PLEKHM2: variants seen among roughly 807,000 people sequenced by gnomAD.
PLEKHM2 encodes pleckstrin homology domain-containing family M member 2.
Under a neutral mutation model 116.3 loss-of-function variants are expected in PLEKHM2, and 77 were observed. The observed-to-expected ratio is 0.66, with a 90% CI of 0.55 to 0.80. The LOEUF (loss-of-function observed/expected upper bound fraction) is 0.80, where lower values mean the gene tolerates loss of function less well. Ranked by LOEUF, PLEKHM2 falls within the 30% of genes least tolerant of loss-of-function variation. The probability of loss-of-function intolerance (pLI) is 0.00; values close to 1 mark genes in which losing one functional copy is unlikely to be tolerated. For missense variants in PLEKHM2, 1,183 were observed against 1,354.9 expected, an observed-to-expected ratio of 0.87 and a Z score of 1.99; for synonymous variants, 562 against 571.0, an observed-to-expected ratio of 0.98 and a Z score of 0.22.
chr1:15,733,264 A>G (rs977377231), intron 19 of PLEKHM2, among the ~76,000 whole-genome samples: 1 of 152,296 alleles, frequency 6.6e-6, no homozygotes, highest in African/African-American at 2.4e-5. Context: ...AGCTGAAAAC[A>G]GAACCCAAGA....
chr1:15,733,721 G>A (rs1569574341), intron 19 of PLEKHM2, 76 bp from the exon 20 acceptor site: 2 of 1,512,296 alleles, frequency 1.3e-6, no homozygotes, highest in Non-Finnish European at 1.8e-6. Flanking sequence ...GCAGAGGCAG[G>A]CCTGGTGCCC....
At chr1:15,711,206 A>AAAAAT (rs146064327) in intron 1 of PLEKHM2, among the ~76,000 whole-genome samples, 1 of 151,830 alleles carries the variant, frequency 6.6e-6, no homozygotes, top group African/African-American at 2.4e-5. Context: ...TATCAAAAAT[A>AAAAAT]AAAATAAAAT....
At chr1:15,720,921 A>G (rs1229868179) in intron 6 of PLEKHM2, 2 of 164,282 alleles carry the variant, frequency 1.2e-5, no homozygotes, top group Non-Finnish European at 2.6e-5. Context: ...GGATGGATCC[A>G]TGGATGGAGG....
intron 1 of PLEKHM2, among the ~76,000 whole-genome samples, chr1:15,708,931 T>G (rs1641276212): frequency 6.6e-6 from 1 of 152,224 alleles, no homozygotes; most frequent in African/African-American, 2.4e-5. Context: ...ATCATGTACT[T>G]GGTAAACATA....
chr1:15,708,341 C>T (rs1194734567), intron 1 of PLEKHM2, among the ~76,000 whole-genome samples: 2 of 151,974 alleles, frequency 1.3e-5, no homozygotes, highest in African/African-American at 2.4e-5. Flanking sequence ...CTCAGCCTCC[C>T]GAGTAGCTGG....
At chr1:15,722,170 G>A (rs1450093514) in intron 7 of PLEKHM2, among the ~76,000 whole-genome samples, 2 of 152,210 alleles carry the variant, frequency 1.3e-5, no homozygotes, top group Non-Finnish European at 2.9e-5. Flanking sequence ...TTGAGACGGA[G>A]TCTCGCTCTG....
chr1:15,699,656 T>C (rs1288090866), intron 1 of PLEKHM2, among the ~76,000 whole-genome samples: 3 of 152,132 alleles, frequency 2.0e-5, no homozygotes, highest in Non-Finnish European at 4.4e-5. Flanking sequence ...TAAACATATG[T>C]GTGCATGTGT....
At chr1:15,683,238 T>G (rs1312874378), upstream of PLEKHM2, 2 of 150,878 alleles carry the variant, frequency 1.3e-5, no homozygotes, top group African/African-American at 4.9e-5. Flanking sequence ...GGCTGGGGAC[T>G]GGAGTCTAGG....
At position 15,727,023 on chromosome 1, in the gene PLEKHM2, GA is replaced by G; in HGVS notation, c.953del (p.Lys318ArgfsTer77). ...GTCGTTACTGTCCCAGGGTCACCAA[GA>G]AGAAGAAAATTGGCAAGAAGAAAAA... is the stretch of plus-strand genomic sequence containing the variant. ...TELEVIRVTK[K>X]KKIGKKKKSR... On this transcript the variant is annotated frameshift_variant, in exon 9 of 20. Coordinates refer to ENST00000375799, the MANE Select transcript of PLEKHM2 (RefSeq NM_015164.4). LOFTEE classifies it high-confidence loss of function. The surrounding 1 kb of genome is among the most constrained non-coding windows in gnomAD (Gnocchi z 7.5). The G allele has an allele frequency of 6.8e-7, 1 of 1,473,560 alleles. No homozygotes were observed. Among genetic ancestry groups the G allele is most frequent in the Non-Finnish European group, 9.0e-7 (1 of 1,111,554 alleles). 91.3% of individuals were successfully genotyped at this position (1,473,560 alleles called of 1,614,324 possible).
rs144600090 is a variant in PLEKHM2, at chr1:15,701,479, G to T, written c.61-14758G>T. Among the ~76,000 whole-genome samples the T allele has an allele frequency of 4.0e-3, 600 of 151,336 alleles. 3 individuals are homozygous for T. The highest frequency in any genetic ancestry group is 6.8e-3 in the Middle Eastern group (2 of 292). The stretch of plus-strand genomic sequence containing the variant: ...AAAAAGGTATTATTAGTCTTAGGAA[G>T]CTTGGCTAAGACTTAAAATACCCCA... On this transcript the variant is annotated intron_variant, in intron 1 of 19. Coordinates refer to ENST00000375799, the MANE Select transcript of PLEKHM2 (RefSeq NM_015164.4).
rs1304869817 is a variant in PLEKHM2 at position 15,727,669 on chromosome 1, C to T, written c.1597C>T (p.Leu533=). Residue 533 remains leucine, a synonymous_variant, in exon 9 of 20, where the codon CTG becomes TTG. Coordinates refer to ENST00000375799, the MANE Select transcript of PLEKHM2 (RefSeq NM_015164.4). The surrounding 1 kb of genome is among the most constrained non-coding windows in gnomAD (Gnocchi z 7.5). ...TCAGGAGCTGGAGGCCCAGCTGTCC[C>T]TGGTCAGGGAGGGGCCTGTGTCTGA... ...EAQELEAQLS[L]VREGPVSEPE... 6.3e-7 allele frequency: 1 copy of T among 1,595,360 alleles called. No individual in the cohort carries two copies. Among genetic ancestry groups the T allele is most frequent in the East Asian group, 2.3e-5 (1 of 43,954 alleles).
Position 15,691,035 on chromosome 1 carries a change from A to T in PLEKHM2, c.60+6417A>T, listed in dbSNP as rs142670818. On this transcript the variant is annotated intron_variant, in intron 1 of 19. Coordinates refer to ENST00000375799, the MANE Select transcript of PLEKHM2 (RefSeq NM_015164.4). ...AATGACATTGCATCCTGCAAGGGACACTGAGTAGGATAAGAGAATGAAAAA... is the reference window on the plus strand; with the variant it reads ...AATGACATTGCATCCTGCAAGGGACTCTGAGTAGGATAAGAGAATGAAAAA... 2.3e-3 allele frequency among the ~76,000 whole-genome samples: 355 copies of T among 152,352 alleles called. 4 individuals are homozygous for T. The highest frequency in any genetic ancestry group is 4.6e-3 in the Admixed American group (70 of 15,300).
upstream of PLEKHM2, chr1:15,681,567 G>A (rs567430163): frequency 3.1e-5 from 15 of 479,120 alleles, no homozygotes; most frequent in African/African-American, 1.8e-4. Context: ...GAATCCCAAA[G>A]CTTGTTGGGT....
Position 15,729,393 on chromosome 1 carries a change from ACCTCAGCC to A in PLEKHM2, c.2075+207_2075+214del. On this transcript the variant is annotated intron_variant, in intron 13 of 19. Coordinates refer to ENST00000375799, the MANE Select transcript of PLEKHM2 (RefSeq NM_015164.4). The surrounding 1 kb of genome is among the most constrained non-coding windows in gnomAD (Gnocchi z 4.7). ...AGGACTCATGTGGTCAGCCCAGGTGACCTCAGCCCCTGGCGACTCTTGGGGGTGCTAGC... is the reference window on the plus strand; with the variant it reads ...AGGACTCATGTGGTCAGCCCAGGTGACCTGGCGACTCTTGGGGGTGCTAGC... Among the ~76,000 whole-genome samples, 1 of 152,120 alleles carries A rather than the reference ACCTCAGCC, an allele frequency of 6.6e-6. No individual in the cohort carries two copies. The highest frequency in any genetic ancestry group is 1.9e-4 in the East Asian group (1 of 5,160).
chr1:15,728,413 C>A lies in PLEKHM2; in HGVS notation c.1921+56C>A. 1 of 1,497,680 alleles carries A rather than the reference C, an allele frequency of 6.7e-7. No homozygotes were observed. The highest frequency in any genetic ancestry group is 9.2e-7 in the Non-Finnish European group (1 of 1,088,180). The allele number at this position is 1,497,680 out of a possible 1,614,324, so 92.8% of individuals were successfully genotyped here. On this transcript the variant is annotated intron_variant, in intron 11 of 19. Transcript: ENST00000375799. This position sits in a 1 kb window ranked among gnomAD's most constrained non-coding sequence, Gnocchi z 5.9. Reference sequence around the variant, plus strand: ...TGTAGACGAGGCTGACTCTCAGCCCCTTTTCCCCAGTCCCCTTGCCCTCTG... The same window carrying A: ...TGTAGACGAGGCTGACTCTCAGCCCATTTTCCCCAGTCCCCTTGCCCTCTG...
At position 15,721,414 on chromosome 1, in the gene PLEKHM2, C is replaced by G; in HGVS notation, c.712+26C>G. 6.8e-7 allele frequency: 1 copy of G among 1,479,576 alleles called. No homozygotes were observed. Among genetic ancestry groups the G allele is most frequent in the Non-Finnish European group, 9.3e-7 (1 of 1,079,126 alleles). The allele number at this position is 1,479,576 out of a possible 1,614,324, so 91.7% of individuals were successfully genotyped here. A position where few individuals can be genotyped will look rare whatever the true frequency, so the allele number is the denominator to read the frequency against. ...GTGGGCCAGAGTCCGCTGTTACCCT[C>G]TTTTCCTGTTTTGCAATGTTTCCAT... On this transcript the variant is annotated intron_variant, in intron 7 of 19. Coordinates refer to ENST00000375799, the MANE Select transcript of PLEKHM2 (RefSeq NM_015164.4). The surrounding 1 kb of genome is among the most constrained non-coding windows in gnomAD (Gnocchi z 5.1).
chr1:15,694,756 GT>G (rs111345595), intron 1 of PLEKHM2, among the ~76,000 whole-genome samples: 3,965 of 144,262 alleles, frequency 0.027, 171 homozygotes, highest in African/African-American at 0.093. Flanking sequence ...ATTTTGTTTT[GT>G]TTTTTTTTTT....
Position 15,727,323 on chromosome 1 carries a change from C to A in PLEKHM2, c.1251C>A (p.Leu417=). The A allele has an allele frequency of 6.3e-7, 1 of 1,599,118 alleles. No homozygotes were observed. The highest frequency in any genetic ancestry group is 8.5e-7 in the Non-Finnish European group (1 of 1,173,736). ...GQPLSKVIDQ[L]NGQLDPSTWC... ...CCCTGAGCAAGGTTATCGACCAGCTCAACGGGCAGCTGGACCCCAGCACCT... is the reference window on the plus strand; with the variant it reads ...CCCTGAGCAAGGTTATCGACCAGCTAAACGGGCAGCTGGACCCCAGCACCT... Residue 417 remains leucine, a synonymous_variant, in exon 9 of 20, where the codon CTC becomes CTA. Transcript: ENST00000375799. The surrounding 1 kb of genome is among the most constrained non-coding windows in gnomAD (Gnocchi z 7.5).
At position 15,719,625 on chromosome 1, in the gene PLEKHM2, G is replaced by T; in HGVS notation, c.466-109G>T. ...TTTGAATTTACTACCTTAAGCCATTGATTTCCCAAAGAGGCACATCTGTGT... is the reference window on the plus strand; with the variant it reads ...TTTGAATTTACTACCTTAAGCCATTTATTTCCCAAAGAGGCACATCTGTGT... On this transcript the variant is annotated intron_variant, in intron 5 of 19. Transcript: ENST00000375799. This position sits in a 1 kb window ranked among gnomAD's most constrained non-coding sequence, Gnocchi z 4.1. 1 of 694,084 alleles carries T rather than the reference G, an allele frequency of 1.4e-6. No homozygotes were observed. The highest frequency in any genetic ancestry group is 2.5e-6 in the Non-Finnish European group (1 of 397,898). 43.0% of individuals were successfully genotyped at this position (694,084 alleles called of 1,614,324 possible). A position where few individuals can be genotyped will look rare whatever the true frequency, so the allele number is the denominator to read the frequency against.
Sources: allele counts gnomAD v4.1 joint callset (sites outside exome capture counted in the v4.1 genomes callset), GRCh38; gene constraint gnomAD v4.1.1; non-coding constraint Gnocchi (gnomAD v3.1); transcripts MANE v1.5; gene names NCBI Gene and HGNC (gene_info 2026-07-23, HGNC 2026-07-21).